Variants in MLIP observed in about 807,000 individuals in gnomAD.
MLIP encodes the protein muscular LMNA-interacting protein.
In MLIP, 79 loss-of-function variants were observed where a neutral mutation model predicts 84.8. The observed-to-expected ratio is 0.93, with a 90% CI of 0.78 to 1.12. The LOEUF (loss-of-function observed/expected upper bound fraction) is 1.12. Among genes scored for constraint, MLIP ranks in the 50% most tolerant of loss-of-function variants. The probability of loss-of-function intolerance (pLI) is 0.00; values close to 1 mark genes in which losing one functional copy is unlikely to be tolerated. For synonymous variants in MLIP, 504 were observed against 463.0 expected, an observed-to-expected ratio of 1.09 and a Z score of -1.14; for missense variants, 1,257 against 1,160.6, an observed-to-expected ratio of 1.08 and a Z score of -1.21.
At chr6:54,244,339 G>A (rs965861528) in intron 12 of MLIP, among the ~76,000 whole-genome samples, 1 of 152,092 alleles carries the variant, frequency 6.6e-6, no homozygotes, top group Non-Finnish European at 1.5e-5. Context: ...TTGGAAAAAA[G>A]ACTTTATCAA....
At chr6:54,184,552 G>C (rs901447671) in intron 9 of MLIP, among the ~76,000 whole-genome samples, 2 of 152,188 alleles carry the variant, frequency 1.3e-5, no homozygotes, top group Non-Finnish European at 2.9e-5. Context: ...GTCTTTGGGA[G>C]ATGAAAAGGT....
chr6:54,173,493 A>G (rs1454387807), intron 9 of MLIP, among the ~76,000 whole-genome samples: 1 of 151,838 alleles, frequency 6.6e-6, no homozygotes, highest in Non-Finnish European at 1.5e-5. Context: ...ACATTAACTC[A>G]TATCAGATAA....
chr6:54,103,786 A>G (rs1338708616), intron 1 of MLIP, among the ~76,000 whole-genome samples: 1 of 152,188 alleles, frequency 6.6e-6, no homozygotes, highest in East Asian at 1.9e-4. Flanking sequence ...TTTTCTTGGT[A>G]TGCTTATCTT....
intron 1 of MLIP, among the ~76,000 whole-genome samples, chr6:54,102,432 C>T (rs1768722239): frequency 1.3e-5 from 2 of 152,018 alleles, no homozygotes; most frequent in South Asian, 2.1e-4. Flanking sequence ...ACCAGAGATG[C>T]TTTTCTCATC....
At chr6:54,074,674 A>T (rs1361164992) in intron 1 of MLIP, among the ~76,000 whole-genome samples, 1 of 152,170 alleles carries the variant, frequency 6.6e-6, no homozygotes, top group African/African-American at 2.4e-5. Context: ...AGTGGCATCC[A>T]AAAAATGAGG....
rs184305265 is a variant in MLIP at position 54,065,612 on chromosome 6, C to T, written c.63+46521C>T. ...AATCTCCTCTAAGGAAGACCCTTGC[C>T]TCTCTGGGATGCTTCAGGCAGGTCA... On this transcript the variant is annotated intron_variant, in intron 1 of 12. Transcript: ENST00000274897. Among the ~76,000 whole-genome samples the T allele has an allele frequency of 5.0e-4, 50 of 99,742 alleles. 8 individuals are homozygous for T. The highest frequency in any genetic ancestry group is 1.2e-3 in the African/African-American group (45 of 38,814). 65.4% of individuals were successfully genotyped at this position (99,742 alleles called of 152,430 possible). A position where few individuals can be genotyped will look rare whatever the true frequency, so the allele number is the denominator to read the frequency against.
chr6:54,041,060 A>G (rs1764714207), intron 1 of MLIP: 1 of 152,098 alleles, frequency 6.6e-6, no homozygotes, highest in East Asian at 1.9e-4. Flanking sequence ...CACCACCTGA[A>G]GCTACGATGA....
chr6:54,239,491 C>T (rs1384929986), intron 12 of MLIP, among the ~76,000 whole-genome samples: 1 of 150,588 alleles, frequency 6.6e-6, no homozygotes, highest in African/African-American at 2.4e-5. Context: ...AGTTTTGAGG[C>T]TGGGTGTGGT....
intron 9 of MLIP, among the ~76,000 whole-genome samples, chr6:54,181,160 A>T (rs1776822212): frequency 6.6e-6 from 1 of 152,120 alleles, no homozygotes; most frequent in Non-Finnish European, 1.5e-5. Context: ...TTAGAGTCAA[A>T]AACCTTAGAA....
chr6:54,146,538 G>T (rs903797761), intron 4 of MLIP, among the ~76,000 whole-genome samples: 71 of 152,164 alleles, frequency 4.7e-4, no homozygotes, highest in African/African-American at 1.7e-3. Context: ...AAGTTAGCAG[G>T]AAGCATATTT....
At chr6:54,105,862 G>C (rs1768971859) in intron 1 of MLIP, among the ~76,000 whole-genome samples, 1 of 152,136 alleles carries the variant, frequency 6.6e-6, no homozygotes, top group Admixed American at 6.6e-5. Flanking sequence ...AGGAGAAAAG[G>C]GGAGAGTGGT....
At chr6:54,083,691 G>C in intron 1 of MLIP, 2 of 1,460,820 alleles carry the variant, frequency 1.4e-6, no homozygotes, top group East Asian at 2.5e-5. Flanking sequence ...AATGATAGCT[G>C]TGTACTGTCT....
intron 1 of MLIP, among the ~76,000 whole-genome samples, chr6:54,106,008 T>C (rs1023846158): frequency 6.6e-6 from 1 of 152,290 alleles, no homozygotes; most frequent in Middle Eastern, 3.4e-3. Flanking sequence ...TGCTGCTATA[T>C]GGAAGATATG....
intron 1 of MLIP, among the ~76,000 whole-genome samples, chr6:54,021,450 A>G (rs1218447540): frequency 1.3e-5 from 2 of 152,146 alleles, no homozygotes; most frequent in African/African-American, 4.8e-5. Flanking sequence ...TATTTGAAAA[A>G]ATTTCTAAGG....
At position 54,266,186 on chromosome 6, in the gene MLIP, C is replaced by G; in HGVS notation, c.*231C>G. 1 of 537,222 alleles carries G rather than the reference C, an allele frequency of 1.9e-6. No homozygotes were observed. Among genetic ancestry groups the G allele is most frequent in the Non-Finnish European group, 3.3e-6 (1 of 299,666 alleles). 33.3% of individuals were successfully genotyped at this position (537,222 alleles called of 1,614,324 possible). A position where few individuals can be genotyped will look rare whatever the true frequency, so the allele number is the denominator to read the frequency against. On this transcript the variant is annotated 3_prime_UTR_variant, in exon 14 of 14. Coordinates refer to ENST00000502396, the MANE Select transcript of MLIP (RefSeq NM_001281747.2). ...ACAGCTTTTTGCACCACTGTTCTAG[C>G]CTTTAATGCCTTCTACTTAATATTA...
At chr6:54,147,488 G>T (rs1772977414) in intron 4 of MLIP, among the ~76,000 whole-genome samples, 1 of 152,094 alleles carries the variant, frequency 6.6e-6, no homozygotes, top group Non-Finnish European at 1.5e-5. Context: ...ACATCTTCTA[G>T]CAATTGCCGC....
In MLIP at chr6:54,099,977, T is replaced by C. The variant is rs149990544; in HGVS notation, c.64-21470T>C. ...GAAAAGTGCTTTGGAGTACATTCAGTAATCGTTTTTATGAAATTTTTAAAT... is the reference window on the plus strand; with the variant it reads ...GAAAAGTGCTTTGGAGTACATTCAGCAATCGTTTTTATGAAATTTTTAAAT... On this transcript the variant is annotated intron_variant, in intron 1 of 12. Transcript: ENST00000274897. 2.0e-5 allele frequency among the ~76,000 whole-genome samples: 3 copies of C among 152,274 alleles called. No homozygotes were observed. In the East Asian group the frequency reaches 5.8e-4, roughly 29 times the overall value.
At chr6:54,207,710 T>C (rs568258043) in intron 11 of MLIP, among the ~76,000 whole-genome samples, 35 of 152,314 alleles carry the variant, frequency 2.3e-4, no homozygotes, top group African/African-American at 7.7e-4. Flanking sequence ...ATATCCCAAT[T>C]TACTAGGAAA....
rs548870227 is a variant in MLIP, at chr6:54,097,914, C to T, written c.64-23533C>T. Among the ~76,000 whole-genome samples, 39 of 152,194 alleles carry T rather than the reference C, an allele frequency of 2.6e-4. No homozygotes were observed. The South Asian group carries it at 4.6e-3, about 18-fold the overall frequency. ...CTCATGTTTGTCAAATTCCCCAATC[C>T]GATGACTTGCACCATGGTTGCTCAA... On this transcript the variant is annotated intron_variant, in intron 1 of 12. Transcript: ENST00000274897.
Sources: allele counts gnomAD v4.1 joint callset (sites outside exome capture counted in the v4.1 genomes callset), GRCh38; gene constraint gnomAD v4.1.1; transcripts MANE v1.5; gene names NCBI Gene and HGNC (gene_info 2026-07-23, HGNC 2026-07-21).